TASP1: variants seen among roughly 807,000 people sequenced by gnomAD.
The protein encoded by TASP1 is taspase 1, also known as threonine aspartase 1.
Under a neutral mutation model 56.6 loss-of-function variants are expected in TASP1, and 16 were observed. The observed-to-expected ratio is 0.28, with a 90% CI of 0.19 to 0.43. The LOEUF (loss-of-function observed/expected upper bound fraction) is 0.43, where lower values mean the gene tolerates loss of function less well. Ranked by LOEUF, TASP1 falls within the 20% of genes least tolerant of loss-of-function variation. The probability of loss-of-function intolerance (pLI) is 1.00; values close to 1 mark genes in which losing one functional copy is unlikely to be tolerated. For synonymous variants in TASP1, 179 were observed against 184.2 expected (o/e 0.97, Z 0.23); for missense variants, 393 against 511.6 (o/e 0.77, Z 2.24).
chr20:13,241,148 A>G, the TASP1 span, among the ~76,000 whole-genome samples: 1 of 152,172 alleles, frequency 6.6e-6, no homozygotes, highest in South Asian at 2.1e-4. Flanking sequence ...TGGGCAACGC[A>G]GCCATGACTG....
chr20:13,543,768 C>T (rs2045708446), intron 8 of TASP1, among the ~76,000 whole-genome samples: 1 of 152,172 alleles, frequency 6.6e-6, no homozygotes, highest in Non-Finnish European at 1.5e-5. Context: ...AACAAAGTAT[C>T]ATAAAATTAA....
chr20:13,462,602 T>A (rs35088136), intron 11 of TASP1, among the ~76,000 whole-genome samples: 2 of 152,158 alleles, frequency 1.3e-5, no homozygotes, highest in African/African-American at 4.8e-5. Flanking sequence ...TCACAAGAGA[T>A]GTTGAGCTTA....
At chr20:13,412,938 G>T (rs1180253881) in intron 13 of TASP1, among the ~76,000 whole-genome samples, 1 of 152,076 alleles carries the variant, frequency 6.6e-6, no homozygotes, top group Non-Finnish European at 1.5e-5. Flanking sequence ...CACAGGAAAG[G>T]CTTAAGGCAA....
the TASP1 span, among the ~76,000 whole-genome samples, chr20:13,202,978 A>T: frequency 1.3e-5 from 2 of 152,234 alleles, no homozygotes; most frequent in Non-Finnish European, 2.9e-5. Context: ...AGGCAGCTTT[A>T]GGCTAAACTT....
intron 8 of TASP1, among the ~76,000 whole-genome samples, chr20:13,556,446 A>C (rs2147050809): frequency 6.6e-6 from 1 of 152,322 alleles, no homozygotes; most frequent in East Asian, 1.9e-4. Context: ...GTGAATAAGA[A>C]AGCACTGTTT....
Position 13,630,138 on chromosome 20 carries a change from A to G in TASP1, c.-60T>C. The G allele has an allele frequency of 3.9e-6, 6 of 1,558,280 alleles. No homozygotes were observed. Among genetic ancestry groups the G allele is most frequent in the Non-Finnish European group, 5.2e-6 (6 of 1,153,486 alleles). On this transcript the variant is annotated 5_prime_UTR_variant, in exon 2 of 14. Coordinates refer to ENST00000337743, the MANE Select transcript of TASP1 (RefSeq NM_017714.3). Reference sequence around the variant, plus strand: ...CATACTTCCATCCAAAAGTAATTGCAGGAGAGGAATTACCCTAAAGGAAAA... The same window carrying G: ...CATACTTCCATCCAAAAGTAATTGCGGGAGAGGAATTACCCTAAAGGAAAA...
intron 4 of TASP1, among the ~76,000 whole-genome samples, chr20:13,622,117 G>A (rs1403437541): frequency 6.6e-6 from 1 of 152,102 alleles, no homozygotes; most frequent in East Asian, 1.9e-4. Flanking sequence ...CATTTCCAAA[G>A]CACCTCATAA....
the TASP1 span, among the ~76,000 whole-genome samples, chr20:13,344,279 ACACACACACG>A: frequency 6.6e-6 from 1 of 151,936 alleles, no homozygotes; most frequent in South Asian, 2.1e-4. Flanking sequence ...ATATTTGCGC[ACACACACACG>A]CACACACACA....
At chr20:13,392,749 G>A in intron 13 of TASP1, 1 of 585,310 alleles carries the variant, frequency 1.7e-6, no homozygotes. Context: ...TTTTAACTCT[G>A]GTAAAGCAGA....
chr20:13,446,704 C>T (rs6042113), intron 11 of TASP1, among the ~76,000 whole-genome samples: 3 of 151,978 alleles, frequency 2.0e-5, no homozygotes, highest in South Asian at 2.1e-4. Flanking sequence ...TCAGAAAAAA[C>T]GGAGTTCTTT....
chr20:13,375,095 G>GT, the TASP1 span, among the ~76,000 whole-genome samples: 2 of 151,978 alleles, frequency 1.3e-5, no homozygotes, highest in Non-Finnish European at 2.9e-5. Flanking sequence ...GTTTTGTTTT[G>GT]TTTTTTACTT....
intron 4 of TASP1, among the ~76,000 whole-genome samples, chr20:13,595,116 CA>C (rs1362183534): frequency 6.6e-6 from 1 of 152,112 alleles, no homozygotes; most frequent in Non-Finnish European, 1.5e-5. Context: ...ATTTCATATC[CA>C]GCCAAACTAA....
At chr20:13,377,091 G>T in the TASP1 span, among the ~76,000 whole-genome samples, 1 of 152,092 alleles carries the variant, frequency 6.6e-6, no homozygotes, top group Non-Finnish European at 1.5e-5. Flanking sequence ...GATTGCCCTG[G>T]CCAGAACTTC....
chr20:13,618,295 C>A (rs1270455865), intron 4 of TASP1, among the ~76,000 whole-genome samples: 4 of 152,036 alleles, frequency 2.6e-5, no homozygotes, highest in Non-Finnish European at 5.9e-5. Flanking sequence ...CGCCTGTAGT[C>A]CCAACTACTC....
At chr20:13,513,795 T>C (rs2044426711) in intron 10 of TASP1, among the ~76,000 whole-genome samples, 1 of 152,102 alleles carries the variant, frequency 6.6e-6, no homozygotes, top group African/African-American at 2.4e-5. Context: ...AGTCCAGGAC[T>C]ACATTGCTTA....
the TASP1 span, among the ~76,000 whole-genome samples, chr20:13,119,429 T>C: frequency 6.6e-6 from 1 of 152,204 alleles, no homozygotes; most frequent in Non-Finnish European, 1.5e-5. Context: ...TAGAGTATTT[T>C]TAAGATGTAG....
At chr20:13,299,314 A>C in the TASP1 span, 2 of 1,613,810 alleles carry the variant, frequency 1.2e-6, no homozygotes, top group African/African-American at 2.7e-5. This position sits in a 1 kb window ranked among gnomAD's most constrained non-coding sequence, Gnocchi z 5.8. Context: ...CTCCACTACA[A>C]GGTGGACGTC....
chr20:13,550,549 A>G (rs2045949613), intron 8 of TASP1, among the ~76,000 whole-genome samples: 1 of 152,130 alleles, frequency 6.6e-6, no homozygotes, highest in Non-Finnish European at 1.5e-5. Context: ...TTTAAAAAAT[A>G]CATAAAGTAA....
the TASP1 span, among the ~76,000 whole-genome samples, chr20:13,381,796 G>A: frequency 2.6e-4 from 39 of 152,148 alleles, no homozygotes; most frequent in African/African-American, 8.2e-4. Flanking sequence ...TGGGCAGGGC[G>A]GTAGCCTCTG....
Sources: gnomAD v4.1 joint callset for allele counts (sites outside exome capture counted in the v4.1 genomes callset) on GRCh38, gnomAD v4.1.1 for gene constraint, Gnocchi (gnomAD v3.1) non-coding constraint, MANE v1.5 for transcripts, NCBI Gene and HGNC (gene_info 2026-07-23, HGNC 2026-07-21) for gene names.